The following KHDC1 variants were observed in gnomAD, a reference collection of about 807,000 sequenced individuals.
KHDC1 encodes the protein KH domain containing 1.
Under a neutral mutation model 24.7 loss-of-function variants are expected in KHDC1, and 21 were observed. The observed-to-expected ratio is 0.85, with a 90% CI of 0.60 to 1.23. The LOEUF (loss-of-function observed/expected upper bound fraction) is 1.23. Among genes scored for constraint, KHDC1 ranks in the 50% most tolerant of loss-of-function variants. The pLI, the probability that KHDC1 is intolerant of heterozygous loss-of-function variation, is 0.00. For missense variants in KHDC1, 274 were observed against 298.5 expected (o/e 0.92, Z 0.61); for synonymous variants, 98 against 111.7 (o/e 0.88, Z 0.77).
At chr6:73,244,837 G>T (rs1354195648) in intron 2 of KHDC1, among the ~76,000 whole-genome samples, 1 of 152,178 alleles carries the variant, frequency 6.6e-6, no homozygotes, top group Non-Finnish European at 1.5e-5. Context: ...GGAGGCTGAG[G>T]TGGGAAAATT....
At chr6:73,305,067 A>T (rs900546715) in intron 1 of KHDC1, among the ~76,000 whole-genome samples, 5 of 151,920 alleles carry the variant, frequency 3.3e-5, no homozygotes, top group African/African-American at 1.2e-4. Context: ...GTGAAACTTC[A>T]TCTATACTAA....
intron 2 of KHDC1, among the ~76,000 whole-genome samples, chr6:73,249,567 T>G (rs532160188): frequency 1.2e-4 from 19 of 152,034 alleles, no homozygotes; most frequent in East Asian, 5.8e-4. Flanking sequence ...ACACATGGAG[T>G]AAGTAATCAT....
At chr6:73,241,998 A>T in intron 4 of KHDC1, 57 bp downstream of exon 3, 3 of 1,543,108 alleles carry the variant, frequency 1.9e-6, no homozygotes, top group Non-Finnish European at 2.6e-6. Flanking sequence ...ATGCTACACA[A>T]CTTAGCCAGA....
intron 1 of KHDC1, chr6:73,292,633 C>T: frequency 1.3e-6 from 1 of 758,364 alleles, no homozygotes; most frequent in Non-Finnish European, 2.5e-6. Context: ...CTTCAATCAC[C>T]CCAAAGGTTG....
At chr6:73,283,781 G>T (rs748303172) in intron 2 of KHDC1, among the ~76,000 whole-genome samples, 4 of 150,056 alleles carry the variant, frequency 2.7e-5, no homozygotes, top group Non-Finnish European at 4.4e-5. Flanking sequence ...TCATCGTGTT[G>T]GCCAGGCTGG....
intron 2 of KHDC1, among the ~76,000 whole-genome samples, chr6:73,248,569 A>G (rs1385316257): frequency 1.3e-5 from 2 of 152,158 alleles, no homozygotes; most frequent in African/African-American, 4.8e-5. Flanking sequence ...AGAATATACA[A>G]TCTGAGAAAA....
chr6:73,262,239 T>C (rs1397878593), intron 2 of KHDC1, among the ~76,000 whole-genome samples: 2 of 152,246 alleles, frequency 1.3e-5, no homozygotes, highest in African/African-American at 4.8e-5. Flanking sequence ...CATAGGGCTG[T>C]GGTGAGAACT....
intron 2 of KHDC1, among the ~76,000 whole-genome samples, chr6:73,255,908 A>T (rs1445565073): frequency 6.6e-6 from 1 of 151,010 alleles, no homozygotes; most frequent in Non-Finnish European, 1.5e-5. Flanking sequence ...TCTCAACAAA[A>T]AAAAAAAAAA....
intron 2 of KHDC1, chr6:73,290,482 A>C (rs1767625840): frequency 5.5e-6 from 2 of 360,824 alleles, no homozygotes; most frequent in East Asian, 7.2e-5. Flanking sequence ...TAGTACATCT[A>C]AAAATGAAGG....
intron 2 of KHDC1, chr6:73,291,199 G>T: frequency 2.1e-6 from 1 of 469,234 alleles, no homozygotes; most frequent in South Asian, 1.6e-5. Context: ...AGCCTACCAT[G>T]AATGACTGGT....
intron 2 of KHDC1, 182 bp from the exon 1 acceptor site, chr6:73,263,378 C>T (rs981216324): frequency 2.8e-6 from 2 of 707,916 alleles, no homozygotes; most frequent in South Asian, 6.3e-5. Flanking sequence ...ATGACCCAGA[C>T]CCGGACGACC....
intron 1 of KHDC1, among the ~76,000 whole-genome samples, chr6:73,293,734 G>C (rs1234272639): frequency 6.6e-6 from 1 of 151,836 alleles, no homozygotes; most frequent in Non-Finnish European, 1.5e-5. Context: ...GCTGGGTGCA[G>C]TGGCTCACAC....
intron 2 of KHDC1, among the ~76,000 whole-genome samples, chr6:73,273,834 A>G (rs865883010): frequency 1.4e-4 from 22 of 152,158 alleles, no homozygotes; most frequent in Non-Finnish European, 2.2e-4. Context: ...AAATAAAAAA[A>G]TAAGCCAGGC....
chr6:73,305,693 T>G (rs1316284155), intron 1 of KHDC1, among the ~76,000 whole-genome samples: 1 of 152,252 alleles, frequency 6.6e-6, no homozygotes, highest in African/African-American at 2.4e-5. Context: ...ATAGTCTCAC[T>G]CTGTCACCCA....
At chr6:73,298,724 C>T (rs755365539) in intron 1 of KHDC1, among the ~76,000 whole-genome samples, 3 of 151,910 alleles carry the variant, frequency 2.0e-5, no homozygotes, top group Admixed American at 1.3e-4. Context: ...TGAGCCACTA[C>T]GCCCGGCCTG....
intron 2 of KHDC1, among the ~76,000 whole-genome samples, chr6:73,281,303 C>T (rs999340571): frequency 4.0e-5 from 6 of 151,430 alleles, no homozygotes; most frequent in Non-Finnish European, 5.9e-5. Context: ...CATGCCACGG[C>T]ACTCCAGCCT....
At chr6:73,249,529 A>G (rs1188996224) in intron 2 of KHDC1, among the ~76,000 whole-genome samples, 1 of 152,172 alleles carries the variant, frequency 6.6e-6, no homozygotes, top group Non-Finnish European at 1.5e-5. Context: ...ATTTTAGAGC[A>G]ATAAAAAAGG....
chr6:73,303,008 C>T (rs769231563), intron 1 of KHDC1, among the ~76,000 whole-genome samples: 17 of 152,170 alleles, frequency 1.1e-4, no homozygotes, highest in Non-Finnish European at 1.8e-4. Flanking sequence ...ACCCAAGAGG[C>T]AGAGGTTGCA....
chr6:73,274,360 T>C (rs1767239751), intron 2 of KHDC1: 2 of 152,244 alleles, frequency 1.3e-5, no homozygotes, highest in Non-Finnish European at 2.9e-5. Context: ...TTCTAATGTA[T>C]CCATTGTCCA....
Sources: gnomAD v4.1 joint callset for allele counts (sites outside exome capture counted in the v4.1 genomes callset) on GRCh38, gnomAD v4.1.1 for gene constraint, MANE v1.5 for transcripts, NCBI Gene and HGNC (gene_info 2026-07-23, HGNC 2026-07-21) for gene names.